Variants in NUCB1 observed in about 807,000 individuals in gnomAD.
NUCB1 encodes nucleobindin-1.
NUCB1 carries 47 observed loss-of-function variants against 61.2 expected under a neutral mutation model. That is an observed-to-expected ratio of 0.77 (90% CI 0.61 to 0.98). NUCB1 has a LOEUF of 0.98. Ranked by LOEUF, NUCB1 falls within the 50% of genes least tolerant of loss-of-function variation. NUCB1 has a pLI of 0.00. For synonymous variants in NUCB1, 234 were observed against 243.1 expected (o/e 0.96, Z 0.35); for missense variants, 583 against 605.3 (o/e 0.96, Z 0.39).
intron 8 of NUCB1, 43 bp from the exon 9 acceptor site, chr19:48,918,987 T>A (rs1448028685): frequency 6.3e-7 from 1 of 1,581,392 alleles, no homozygotes; most frequent in Non-Finnish European, 8.7e-7. Flanking sequence ...ATGAGCTCGC[T>A]GGGGACCTCT....
intron 1 of NUCB1, 196 bp from the exon 2 acceptor site, chr19:48,900,590 T>C: frequency 4.5e-6 from 3 of 672,862 alleles, no homozygotes; most frequent in Admixed American, 5.8e-5. Context: ...CCAGGACCCC[T>C]GGGTCTGAGG....
chr19:48,920,830 A>G (rs551009544), intron 10 of NUCB1, among the ~76,000 whole-genome samples: 3 of 150,786 alleles, frequency 2.0e-5, no homozygotes, highest in East Asian at 3.9e-4. Flanking sequence ...GCCTATTTCT[A>G]TATATTTTTC....
chr19:48,921,018 T>G (rs1272532557), intron 10 of NUCB1, 136 bp from the exon 11 acceptor site: 2 of 842,268 alleles, frequency 2.4e-6, no homozygotes, highest in South Asian at 1.9e-5. Context: ...CACCTCCCAC[T>G]TGGGCTTCTT....
chr19:48,921,858 A>T lies in NUCB1; in HGVS notation c.1205A>T (p.Gln402Leu), dbSNP rs1343720873. 1.2e-6 allele frequency: 2 copies of T among 1,612,162 alleles called. No homozygotes were observed. Among genetic ancestry groups the T allele is most frequent in the Admixed American group, 1.7e-5 (1 of 59,842 alleles). ...CTGCACATGGAGCAGCGGAAGCAGC[A>T]GCAGCAGCAGCAGCAAGGCCACAAG... ...AVLHMEQRKQQQQQQQGHKAP... is the reference protein window; with the variant it reads ...AVLHMEQRKQLQQQQQGHKAP... Residue 402 changes from glutamine to leucine, a missense_variant, in exon 12 of 13, where the codon CAG becomes CTG. Gln to Leu is a moderately radical substitution (Grantham distance 113). Transcript: ENST00000405315.
At chr19:48,910,094 T>G (rs1163594787) in intron 4 of NUCB1, among the ~76,000 whole-genome samples, 1 of 151,902 alleles carries the variant, frequency 6.6e-6, no homozygotes, top group East Asian at 2.0e-4. Context: ...ATTTATTTAT[T>G]TTTCAGACGG....
intron 7 of NUCB1, among the ~76,000 whole-genome samples, chr19:48,917,549 T>C (rs1319542803): frequency 6.6e-6 from 1 of 152,072 alleles, no homozygotes; most frequent in Non-Finnish European, 1.5e-5. Flanking sequence ...CAGGCTGGAG[T>C]GCAATGGCAT....
rs1374948595 is a variant in NUCB1 at position 48,900,378 on chromosome 19, A to T, written c.-12+6A>T. The T allele has an allele frequency of 1.1e-5, 2 of 178,378 alleles. No individual in the cohort carries two copies. The highest frequency in any genetic ancestry group is 2.4e-5 in the African/African-American group (1 of 42,074). 11.0% of individuals were successfully genotyped at this position (178,378 alleles called of 1,614,324 possible). ...CCCTCTGCGGTGAAGGAGAGGTGAG[A>T]GGCCAGGGTTCCCATACTCTTGGGT... On this transcript the variant is annotated splice_donor_region_variant and intron_variant, in intron 1 of 12. Transcript: ENST00000405315.
At chr19:48,919,637 C>G (rs1006155006) in intron 10 of NUCB1, among the ~76,000 whole-genome samples, 2 of 151,734 alleles carry the variant, frequency 1.3e-5, no homozygotes, top group Admixed American at 6.6e-5. Flanking sequence ...GCCACCACAC[C>G]CAGCTGATTT....
intron 1 of NUCB1, 113 bp downstream of exon 1, chr19:48,900,485 GA>G: frequency 2.3e-6 from 1 of 430,170 alleles, no homozygotes; most frequent in Non-Finnish European, 4.2e-6. Flanking sequence ...TAGGTCCTGG[GA>G]AAAGAGGAGG....
intron 4 of NUCB1, among the ~76,000 whole-genome samples, chr19:48,909,238 T>C (rs962701606): frequency 1.5e-5 from 2 of 132,986 alleles, no homozygotes; most frequent in Non-Finnish European, 3.0e-5. Context: ...TTATTAATTA[T>C]TATTATTATT....
In NUCB1 at chr19:48,922,514, C is replaced by A; in HGVS notation, c.*90C>A. On this transcript the variant is annotated 3_prime_UTR_variant, in exon 13 of 13. Coordinates refer to ENST00000405315, the MANE Select transcript of NUCB1 (RefSeq NM_006184.6). Reference sequence around the variant, plus strand: ...GTGGCACAGTCAGCTTCCCTGGGGGCTGGTGTCATGTTGGGCTCCTGGGGC... The same window carrying A: ...GTGGCACAGTCAGCTTCCCTGGGGGATGGTGTCATGTTGGGCTCCTGGGGC... 2.6e-6 allele frequency: 3 copies of A among 1,159,916 alleles called. No individual in the cohort carries two copies. Among genetic ancestry groups the A allele is most frequent in the Non-Finnish European group, 3.8e-6 (3 of 785,284 alleles). The allele number at this position is 1,159,916 out of a possible 1,614,324, so 71.9% of individuals were successfully genotyped here. A position where few individuals can be genotyped will look rare whatever the true frequency, so the allele number is the denominator to read the frequency against.
chr19:48,900,427 G>A (rs1255348634), intron 1 of NUCB1, 55 bp downstream of exon 1: 5 of 268,352 alleles, frequency 1.9e-5, no homozygotes, highest in Non-Finnish European at 2.9e-5. Context: ...GGGGCCAGAG[G>A]GCTGGAAAAC....
At chr19:48,918,557 C>T (rs1434425285) in intron 7 of NUCB1, 169 bp from the exon 8 acceptor site, 1 of 633,822 alleles carries the variant, frequency 1.6e-6, no homozygotes, top group Non-Finnish European at 2.9e-6. Context: ...GCCCTAGCAA[C>T]GGGTCTAGTG....
At chr19:48,905,921 G>A in intron 4 of NUCB1, 36 bp downstream of exon 4, 1 of 1,484,248 alleles carries the variant, frequency 6.7e-7, no homozygotes, top group Non-Finnish European at 9.2e-7. Context: ...CAGGCAGGGA[G>A]GGGTGGGGAA....
intron 4 of NUCB1, 81 bp from the exon 5 acceptor site, chr19:48,911,068 C>G: frequency 9.5e-7 from 1 of 1,049,248 alleles, no homozygotes; most frequent in Non-Finnish European, 1.4e-6. Context: ...CTGTCCGTGA[C>G]TTCTTTGGAT....
Position 48,911,231 on chromosome 19 carries a change from C to CCTGGAGCTGCTGATCCAT in NUCB1, c.476_477insTCTGGAGCTGCTGATCCA (p.Ile158_Gln159insHisLeuGluLeuLeuIle). 4 of 1,613,542 alleles carry CCTGGAGCTGCTGATCCAT rather than the reference C, an allele frequency of 2.5e-6. No individual in the cohort carries two copies. The highest frequency in any genetic ancestry group is 3.4e-6 in the Non-Finnish European group (4 of 1,179,666). ...ACCAGCATACATTCGAGGCCCGCGA[C>CCTGGAGCTGCTGATCCAT]CTGGAGCTGCTGATCCAGACGGTAA... On this transcript the variant is annotated inframe_insertion, in exon 5 of 13. Transcript: ENST00000405315.
chr19:48,922,631 T>G lies in NUCB1; in HGVS notation c.*207T>G. 1 of 553,508 alleles carries G rather than the reference T, an allele frequency of 1.8e-6. No individual in the cohort carries two copies. The allele number at this position is 553,508 out of a possible 1,614,324, so 34.3% of individuals were successfully genotyped here. Reference sequence around the variant, plus strand: ...CTCCAAGTCTGTGGCTCTTCCCTTCTGTCCTCCGAGGGGCTTGCCTTCTCT... The same window carrying G: ...CTCCAAGTCTGTGGCTCTTCCCTTCGGTCCTCCGAGGGGCTTGCCTTCTCT... On this transcript the variant is annotated 3_prime_UTR_variant, in exon 13 of 13. Coordinates refer to ENST00000405315, the MANE Select transcript of NUCB1 (RefSeq NM_006184.6).
At position 48,918,709 on chromosome 19, in the gene NUCB1, T is replaced by C. The variant is rs2287836; in HGVS notation, c.758-17T>C. 1,188,086 of 1,608,160 alleles carry C rather than the reference T, an allele frequency of 0.74. 446,315 individuals carry two copies. The highest frequency in any genetic ancestry group is 0.83 in the South Asian group (75,719 of 90,958). On this transcript the variant is annotated splice_polypyrimidine_tract_variant and intron_variant, in intron 7 of 12. Transcript: ENST00000405315. The stretch of plus-strand genomic sequence containing the variant: ...TCCTCGGTCCCCTGAGATACCTTGC[T>C]ATCCTCTTCCCTTCAGATATCAACA...
In NUCB1 at chr19:48,918,777, C is replaced by T. The variant is rs2037569996; in HGVS notation, c.809C>T (p.Thr270Ile). 1.2e-6 allele frequency: 2 copies of T among 1,613,850 alleles called. No individual in the cohort carries two copies. The highest frequency in any genetic ancestry group is 8.5e-7 in the Non-Finnish European group (1 of 1,179,888). Residue 270 changes from threonine to isoleucine, a missense_variant, in exon 8 of 13, where the codon ACC becomes ATC. Thr to Ile is a moderately conservative substitution (Grantham distance 89, BLOSUM62 -1). Transcript: ENST00000405315. ...LDEQELEALFTKELEKVYDPK... is the reference protein window; with the variant it reads ...LDEQELEALFIKELEKVYDPK... ...GAGCAGGAGCTGGAGGCACTCTTCA[C>T]CAAGGAGGTGAGCATCTTGGAAGCC...
Sources: allele counts gnomAD v4.1 joint callset (sites outside exome capture counted in the v4.1 genomes callset), GRCh38; gene constraint gnomAD v4.1.1; transcripts MANE v1.5; gene names NCBI Gene and HGNC (gene_info 2026-07-23, HGNC 2026-07-21).